The following CTNNA3 variants were observed in gnomAD, a reference collection of about 807,000 sequenced individuals.
The protein encoded by CTNNA3 is catenin alpha 3, also known as catenin alpha-3.
CTNNA3 carries 76 observed loss-of-function variants against 95.7 expected under a neutral mutation model. The observed-to-expected ratio is 0.79, with a 90% CI of 0.66 to 0.96. CTNNA3 has a LOEUF of 0.96. Ranked by LOEUF, CTNNA3 falls within the 40% of genes least tolerant of loss-of-function variation. The pLI is 0.00. For synonymous variants in CTNNA3, 431 were observed against 374.4 expected, an observed-to-expected ratio of 1.15 and a Z score of -1.74; for missense variants, 1,191 against 1,089.8, an observed-to-expected ratio of 1.09 and a Z score of -1.31.
intron 1 of CTNNA3, among the ~76,000 whole-genome samples, chr10:67,721,801 ACCTTTGG>A (rs1227639362): frequency 6.6e-6 from 1 of 152,084 alleles, no homozygotes; most frequent in African/African-American, 2.4e-5. Flanking sequence ...GGATTTATCT[ACCTTTGG>A]CCTTTGATGC....
chr10:66,469,026 G>A (rs368123921), intron 11 of CTNNA3, among the ~76,000 whole-genome samples: 1 of 151,698 alleles, frequency 6.6e-6, no homozygotes, highest in African/African-American at 2.4e-5. Flanking sequence ...TGAAAGGAGA[G>A]TCAATAAAAA....
At chr10:67,231,935 A>ATGAAG (rs1436952136) in intron 5 of CTNNA3, among the ~76,000 whole-genome samples, 2 of 152,246 alleles carry the variant, frequency 1.3e-5, no homozygotes, top group African/African-American at 2.4e-5. Context: ...AATGAATGAA[A>ATGAAG]TGAAGTGAGA....
At chr10:66,534,551 T>A (rs1278411351) in intron 10 of CTNNA3, among the ~76,000 whole-genome samples, 1 of 149,378 alleles carries the variant, frequency 6.7e-6, no homozygotes, top group Non-Finnish European at 1.5e-5. Context: ...ACATTTATGT[T>A]TATATATATA....
intron 13 of CTNNA3, among the ~76,000 whole-genome samples, chr10:66,132,997 G>A (rs553088999): frequency 5.3e-5 from 8 of 151,882 alleles, no homozygotes; most frequent in African/African-American, 1.7e-4. Flanking sequence ...GCAAACCCCC[G>A]TGACACAGGT....
chr10:65,933,889 C>A (rs912421640), intron 17 of CTNNA3, among the ~76,000 whole-genome samples: 1 of 152,108 alleles, frequency 6.6e-6, no homozygotes, highest in African/African-American at 2.4e-5. Context: ...CAGTCCCGAC[C>A]AGCTGGGTAG....
At chr10:66,279,112 T>G (rs1050215206) in intron 13 of CTNNA3, among the ~76,000 whole-genome samples, 2 of 152,080 alleles carry the variant, frequency 1.3e-5, no homozygotes, top group African/African-American at 4.8e-5. Context: ...CTAGATTCTT[T>G]GTCTTGACAC....
intron 7 of CTNNA3, among the ~76,000 whole-genome samples, chr10:66,859,936 T>A (rs1437449945): frequency 3.1e-5 from 4 of 129,772 alleles, no homozygotes; most frequent in Non-Finnish European, 6.6e-5. Context: ...AAACACCACA[T>A]GTTCTCACTC....
At chr10:66,176,714 T>A (rs1299523584) in intron 13 of CTNNA3, among the ~76,000 whole-genome samples, 1 of 151,966 alleles carries the variant, frequency 6.6e-6, no homozygotes, top group East Asian at 1.9e-4. Context: ...CCAGGAAGTG[T>A]CATCTATGAA....
At chr10:66,618,408 A>G (rs181870932) in intron 10 of CTNNA3, among the ~76,000 whole-genome samples, 3,536 of 152,172 alleles carry the variant, frequency 0.023, 135 homozygotes, top group African/African-American at 0.081. Flanking sequence ...ATAACGCTGC[A>G]TATCTATAAC....
chr10:66,297,804 G>A (rs73319930), intron 12 of CTNNA3, among the ~76,000 whole-genome samples: 5,495 of 152,178 alleles, frequency 0.036, 315 homozygotes, highest in African/African-American at 0.13. Flanking sequence ...GAGCTACTGC[G>A]GGTCTCATCC....
At chr10:66,464,998 A>ATTAC (rs981939533) in intron 11 of CTNNA3, among the ~76,000 whole-genome samples, 14 of 152,168 alleles carry the variant, frequency 9.2e-5, no homozygotes, top group Admixed American at 5.9e-4. Context: ...TATGGTAATT[A>ATTAC]GTAATGAGAG....
chr10:67,033,135 G>T (rs114193941), intron 7 of CTNNA3, among the ~76,000 whole-genome samples: 3 of 152,130 alleles, frequency 2.0e-5, no homozygotes, highest in Non-Finnish European at 4.4e-5. Context: ...GAAGGAAACC[G>T]ACTGATTTTA....
intron 13 of CTNNA3, among the ~76,000 whole-genome samples, chr10:66,230,748 C>A (rs1052611727): frequency 6.6e-6 from 1 of 152,134 alleles, no homozygotes; most frequent in Non-Finnish European, 1.5e-5. Context: ...AAGCCCTGGG[C>A]AGGTGGCTCT....
At chr10:66,649,223 A>C (rs1379853118) in intron 9 of CTNNA3, among the ~76,000 whole-genome samples, 1 of 152,130 alleles carries the variant, frequency 6.6e-6, no homozygotes, top group Non-Finnish European at 1.5e-5. Flanking sequence ...ATGGGAGGTA[A>C]AATAAAAAGT....
chr10:67,017,124 T>C (rs1852707919), intron 7 of CTNNA3, among the ~76,000 whole-genome samples: 1 of 152,198 alleles, frequency 6.6e-6, no homozygotes, highest in Non-Finnish European at 1.5e-5. Context: ...GATGTAACAA[T>C]AACTGAGCAA....
intron 2 of CTNNA3, among the ~76,000 whole-genome samples, chr10:67,633,160 C>T (rs1011320917): frequency 2.0e-5 from 3 of 152,114 alleles, no homozygotes; most frequent in Admixed American, 6.5e-5. Context: ...CATTCCTCCT[C>T]ACAGGGTGGG....
At chr10:66,263,175 C>T (rs977987267) in intron 13 of CTNNA3, among the ~76,000 whole-genome samples, 5 of 151,832 alleles carry the variant, frequency 3.3e-5, no homozygotes, top group African/African-American at 9.7e-5. Context: ...GGTAACAGAA[C>T]ACAGCAGGGG....
intron 7 of CTNNA3, among the ~76,000 whole-genome samples, chr10:66,849,309 A>C (rs1843394667): frequency 6.6e-6 from 1 of 152,192 alleles, no homozygotes; most frequent in Non-Finnish European, 1.5e-5. Flanking sequence ...AAAAGCAATA[A>C]AATTGTAGCA....
chr10:67,594,434 C>T (rs1445738479), intron 3 of CTNNA3, among the ~76,000 whole-genome samples: 1 of 152,082 alleles, frequency 6.6e-6, no homozygotes, highest in Admixed American at 6.6e-5. Context: ...TTTCAGAACT[C>T]ATTACTGATC....
Sources: gnomAD v4.1 joint callset for allele counts (sites outside exome capture counted in the v4.1 genomes callset) on GRCh38, gnomAD v4.1.1 for gene constraint, MANE v1.5 for transcripts, NCBI Gene and HGNC (gene_info 2026-07-23, HGNC 2026-07-21) for gene names.